The following SPAG16 variants were observed in gnomAD, a reference collection of about 807,000 sequenced individuals.
SPAG16 encodes the protein sperm associated antigen 16, also known as sperm-associated antigen 16 protein.
A neutral mutation model predicts 80.4 loss-of-function variants in SPAG16; 86 were observed. The observed-to-expected ratio is 1.07, with a 90% CI of 0.90 to 1.28. SPAG16 has a LOEUF of 1.28. SPAG16 is among the 50% of genes most tolerant of loss of function. The probability of loss-of-function intolerance (pLI) is 0.00; values close to 1 mark genes in which losing one functional copy is unlikely to be tolerated. For missense variants in SPAG16, 870 were observed against 765.3 expected (o/e 1.14, Z -1.61); for synonymous variants, 294 against 265.9 (o/e 1.11, Z -1.03).
chr2:213,671,296 C>T (rs1256242958), intron 10 of SPAG16, among the ~76,000 whole-genome samples: 1 of 152,236 alleles, frequency 6.6e-6, no homozygotes, highest in East Asian at 1.9e-4. Context: ...CTATGGCAGC[C>T]ATTCTAAGGG....
At chr2:213,728,513 TA>T (rs2066875732) in intron 10 of SPAG16, among the ~76,000 whole-genome samples, 1 of 152,190 alleles carries the variant, frequency 6.6e-6, no homozygotes. Context: ...GAACACGTTA[TA>T]GTCTCTGCCA....
chr2:213,464,112 T>C (rs1417022299), intron 9 of SPAG16, among the ~76,000 whole-genome samples: 1 of 152,214 alleles, frequency 6.6e-6, no homozygotes, highest in African/African-American at 2.4e-5. Context: ...CCAAAGAACT[T>C]ACATGGTTAA....
intron 9 of SPAG16, among the ~76,000 whole-genome samples, chr2:213,436,583 A>C (rs1245560108): frequency 6.6e-6 from 1 of 152,178 alleles, no homozygotes; most frequent in African/African-American, 2.4e-5. Flanking sequence ...GGTTGGAAAT[A>C]CTGATTTTAT....
chr2:214,394,462 T>C (rs1413877767), intron 15 of SPAG16, among the ~76,000 whole-genome samples: 1 of 152,182 alleles, frequency 6.6e-6, no homozygotes, highest in Non-Finnish European at 1.5e-5. Context: ...AAAAATACAT[T>C]TTAAAGCACC....
intron 10 of SPAG16, among the ~76,000 whole-genome samples, chr2:213,532,220 A>T (rs1475067991): frequency 6.6e-6 from 1 of 152,180 alleles, no homozygotes; most frequent in African/African-American, 2.4e-5. Context: ...TCTTTTTTAA[A>T]AACCACAGTC....
chr2:213,347,523 A>C (rs920324745), intron 6 of SPAG16, among the ~76,000 whole-genome samples: 2 of 152,156 alleles, frequency 1.3e-5, no homozygotes, highest in African/African-American at 4.8e-5. Context: ...GTGGGCATTT[A>C]GTGCTATAAA....
At chr2:213,849,256 T>C (rs1005482280) in intron 10 of SPAG16, among the ~76,000 whole-genome samples, 4 of 151,958 alleles carry the variant, frequency 2.6e-5, no homozygotes, top group African/African-American at 9.7e-5. Flanking sequence ...CAGGAACTAA[T>C]AGAGTTAGAA....
chr2:213,675,756 G>T (rs1361247555), intron 10 of SPAG16, among the ~76,000 whole-genome samples: 3 of 151,818 alleles, frequency 2.0e-5, no homozygotes, highest in African/African-American at 7.3e-5. Flanking sequence ...TCTCTGTTTT[G>T]GTACCAGTAC....
intron 12 of SPAG16, among the ~76,000 whole-genome samples, chr2:213,960,448 A>AT (rs2044355607): frequency 6.7e-6 from 1 of 149,970 alleles, no homozygotes; most frequent in South Asian, 2.1e-4. Context: ...AGGCTTTGTG[A>AT]TTTTTTGTTG....
chr2:214,219,897 A>C (rs2058522042), intron 15 of SPAG16, among the ~76,000 whole-genome samples: 1 of 152,182 alleles, frequency 6.6e-6, no homozygotes, highest in African/African-American at 2.4e-5. Flanking sequence ...AAGTATAGAC[A>C]GTATAAACCT....
At chr2:213,876,443 C>A (rs1412373601) in intron 11 of SPAG16, among the ~76,000 whole-genome samples, 1 of 151,956 alleles carries the variant, frequency 6.6e-6, no homozygotes, top group East Asian at 1.9e-4. Flanking sequence ...TTCTCAATTT[C>A]ATTTATTTTA....
chr2:213,804,366 A>C (rs2125647144), intron 10 of SPAG16, among the ~76,000 whole-genome samples: 1 of 152,280 alleles, frequency 6.6e-6, no homozygotes, highest in South Asian at 2.1e-4. Context: ...GGCAAGGGGT[A>C]AGTAAGGAAG....
At chr2:213,826,490 TC>T (rs2073311885) in intron 10 of SPAG16, among the ~76,000 whole-genome samples, 1 of 144,742 alleles carries the variant, frequency 6.9e-6, no homozygotes, top group African/African-American at 2.4e-5. Flanking sequence ...CTTAATCACT[TC>T]CTTGACCCAC....
intron 10 of SPAG16, among the ~76,000 whole-genome samples, chr2:213,830,453 A>G (rs1222185681): frequency 6.6e-6 from 1 of 152,012 alleles, no homozygotes; most frequent in African/African-American, 2.4e-5. Context: ...AAAAACAGGT[A>G]CTGTAATTTC....
At chr2:213,355,935 G>A (rs1053896991) in intron 7 of SPAG16, among the ~76,000 whole-genome samples, 4 of 152,108 alleles carry the variant, frequency 2.6e-5, no homozygotes, top group Admixed American at 6.6e-5. Context: ...AGAGGGCATC[G>A]TTGTCTTGTG....
chr2:214,109,156 AC>A (rs571872776), intron 14 of SPAG16, among the ~76,000 whole-genome samples: 126 of 152,272 alleles, frequency 8.3e-4, no homozygotes, highest in Non-Finnish European at 1.4e-3. Context: ...ATGCTCTGGG[AC>A]TTCCCAGCCT....
At chr2:214,090,464 G>A (rs10490493) in intron 13 of SPAG16, among the ~76,000 whole-genome samples, 13,155 of 151,544 alleles carry the variant, frequency 0.087, 745 homozygotes, top group East Asian at 0.28. Context: ...TCATTAATAC[G>A]TCTCAATCAC....
At chr2:214,322,636 TA>T (rs779741724) in intron 15 of SPAG16, among the ~76,000 whole-genome samples, 4 of 152,190 alleles carry the variant, frequency 2.6e-5, no homozygotes, top group Admixed American at 6.5e-5. Flanking sequence ...TCTAACAAGT[TA>T]AATTATAAGT....
At chr2:213,967,946 A>G (rs1250284204) in intron 12 of SPAG16, among the ~76,000 whole-genome samples, 1 of 152,160 alleles carries the variant, frequency 6.6e-6, no homozygotes, top group Non-Finnish European at 1.5e-5. Context: ...TGATATATTT[A>G]ATGGCTAATT....
Sources: allele counts gnomAD v4.1 joint callset (sites outside exome capture counted in the v4.1 genomes callset), GRCh38; gene constraint gnomAD v4.1.1; transcripts MANE v1.5; gene names NCBI Gene and HGNC (gene_info 2026-07-23, HGNC 2026-07-21).